The following SPMIP2 variants were observed in gnomAD, a reference collection of about 807,000 sequenced individuals.
SPMIP2 encodes sperm microtubule inner protein 2.
the SPMIP2 span, chr4:159,026,146 A>G: frequency 2.9e-6 from 1 of 349,698 alleles, no homozygotes; most frequent in South Asian, 2.9e-5. Context: ...AGCAGATGGA[A>G]GATGATGCCT....
the SPMIP2 span, among the ~76,000 whole-genome samples, chr4:158,996,471 A>G: frequency 2.6e-5 from 4 of 152,226 alleles, no homozygotes; most frequent in Non-Finnish European, 5.9e-5. Flanking sequence ...TCATGAAAAA[A>G]ATTAGTAAGA....
At chr4:158,942,448 C>T in the SPMIP2 span, among the ~76,000 whole-genome samples, 2 of 152,124 alleles carry the variant, frequency 1.3e-5, no homozygotes, top group Non-Finnish European at 2.9e-5. Context: ...GTATCCAAAC[C>T]CAGCATCGAG....
chr4:159,022,117 C>A, the SPMIP2 span, among the ~76,000 whole-genome samples: 1 of 152,144 alleles, frequency 6.6e-6, no homozygotes, highest in African/African-American at 2.4e-5. Context: ...TTGAAAGAGT[C>A]TGGAAATCCC....
chr4:159,016,021 G>A, the SPMIP2 span, among the ~76,000 whole-genome samples: 1 of 152,236 alleles, frequency 6.6e-6, no homozygotes, highest in East Asian at 1.9e-4. Flanking sequence ...TGGTCAGTCT[G>A]TAGTAGTCAT....
chr4:159,005,406 TGCACCGCA>T, the SPMIP2 span, among the ~76,000 whole-genome samples: 1 of 152,040 alleles, frequency 6.6e-6, no homozygotes, highest in Non-Finnish European at 1.5e-5. Flanking sequence ...ATCACGCCAT[TGCACCGCA>T]GCCTGGGCAG....
the SPMIP2 span, among the ~76,000 whole-genome samples, chr4:158,939,231 T>A: frequency 6.6e-6 from 1 of 152,228 alleles, no homozygotes; most frequent in East Asian, 1.9e-4. Context: ...AGATGGTAAA[T>A]CTTGACATGT....
the SPMIP2 span, among the ~76,000 whole-genome samples, chr4:159,065,443 T>C: frequency 5.3e-4 from 81 of 152,000 alleles, no homozygotes; most frequent in Non-Finnish European, 9.3e-4. Flanking sequence ...CTTGGCTGGG[T>C]GTGTTGGCTC....
the SPMIP2 span, among the ~76,000 whole-genome samples, chr4:158,918,212 G>A: frequency 8.5e-5 from 13 of 152,262 alleles, no homozygotes; most frequent in African/African-American, 3.1e-4. Flanking sequence ...GGAAGGACAG[G>A]AAAGACCAGA....
At chr4:159,007,798 TC>T in the SPMIP2 span, 1 of 575,390 alleles carries the variant, frequency 1.7e-6, no homozygotes. Flanking sequence ...GAGAAAATTG[TC>T]AACCCGAAGG....
chr4:158,955,090 C>T, the SPMIP2 span, among the ~76,000 whole-genome samples: 5 of 152,234 alleles, frequency 3.3e-5, no homozygotes, highest in African/African-American at 1.2e-4. Context: ...AACAAGAGTA[C>T]ATTTCCTTTA....
the SPMIP2 span, among the ~76,000 whole-genome samples, chr4:158,916,870 C>A: frequency 6.6e-6 from 1 of 152,228 alleles, no homozygotes; most frequent in African/African-American, 2.4e-5. Context: ...TCTTGAACTC[C>A]TGACCTCAGG....
the SPMIP2 span, among the ~76,000 whole-genome samples, chr4:159,082,459 G>C: frequency 2.0e-3 from 292 of 147,936 alleles, 1 homozygote; most frequent in South Asian, 0.011. Flanking sequence ...CTGTGTGTGT[G>C]TGTGTGTGTG....
At chr4:158,987,190 T>G in the SPMIP2 span, among the ~76,000 whole-genome samples, 1 of 147,228 alleles carries the variant, frequency 6.8e-6, no homozygotes. Context: ...GGTGGGACTG[T>G]AATCTAGTTC....
At chr4:158,973,135 T>C in the SPMIP2 span, 1 of 1,611,692 alleles carries the variant, frequency 6.2e-7, no homozygotes, top group African/African-American at 1.3e-5. Context: ...TACTGTGGTA[T>C]TCTCCAACCA....
At chr4:158,917,642 C>G in the SPMIP2 span, among the ~76,000 whole-genome samples, 3 of 150,688 alleles carry the variant, frequency 2.0e-5, no homozygotes, top group African/African-American at 7.3e-5. Flanking sequence ...TAAGTTGGGG[C>G]TTTAAACATC....
the SPMIP2 span, among the ~76,000 whole-genome samples, chr4:159,068,664 A>AAAAT: frequency 6.6e-5 from 10 of 151,776 alleles, no homozygotes; most frequent in South Asian, 2.1e-4. Flanking sequence ...GTATAATTAA[A>AAAAT]AAATAAATAA....
the SPMIP2 span, among the ~76,000 whole-genome samples, chr4:159,032,883 A>G: frequency 6.6e-6 from 1 of 152,244 alleles, no homozygotes; most frequent in African/African-American, 2.4e-5. Flanking sequence ...TGGACATGCA[A>G]AATAGTATAG....
At chr4:159,000,395 C>A in the SPMIP2 span, among the ~76,000 whole-genome samples, 1 of 151,938 alleles carries the variant, frequency 6.6e-6, no homozygotes, top group Non-Finnish European at 1.5e-5. Context: ...CACTTTTCTG[C>A]TTTCTGTTAC....
the SPMIP2 span, among the ~76,000 whole-genome samples, chr4:158,952,446 C>T: frequency 6.6e-5 from 10 of 152,274 alleles, no homozygotes; most frequent in South Asian, 2.1e-3. Flanking sequence ...TCTCTTGCCA[C>T]CACCATATAA....
Sources: gnomAD v4.1 joint callset for allele counts (sites outside exome capture counted in the v4.1 genomes callset) on GRCh38, gnomAD v4.1.1 for gene constraint, MANE v1.5 for transcripts, NCBI Gene and HGNC (gene_info 2026-07-23, HGNC 2026-07-21) for gene names.